The following FAF1 variants were observed in gnomAD, a reference collection of about 807,000 sequenced individuals.
FAF1 encodes the protein FAS-associated factor 1.
Under a neutral mutation model 92.5 loss-of-function variants are expected in FAF1, and 25 were observed. The observed-to-expected ratio is 0.27, with a 90% confidence interval of 0.20 to 0.38. The LOEUF is 0.38. Ranked by LOEUF, FAF1 falls within the 10% of genes least tolerant of loss-of-function variation. FAF1 has a pLI of 1.00. For synonymous variants in FAF1, 234 were observed against 273.2 expected (o/e 0.86, Z 1.42); for missense variants, 636 against 793.3 (o/e 0.80, Z 2.38).
chr1:50,639,741 C>T (rs2124239284), intron 8 of FAF1, among the ~76,000 whole-genome samples: 1 of 152,176 alleles, frequency 6.6e-6, no homozygotes, highest in Non-Finnish European at 1.5e-5. Flanking sequence ...CAAGACCAGC[C>T]TGACCAATAT....
intron 15 of FAF1, among the ~76,000 whole-genome samples, chr1:50,493,253 G>A (rs185447981): frequency 1.3e-5 from 2 of 151,984 alleles, no homozygotes; most frequent in Non-Finnish European, 2.9e-5. Flanking sequence ...GGCTGGTCTC[G>A]AACTCCTGAC....
intron 7 of FAF1, among the ~76,000 whole-genome samples, chr1:50,669,495 T>C (rs950162635): frequency 1.3e-5 from 2 of 152,144 alleles, no homozygotes; most frequent in African/African-American, 2.4e-5. Context: ...GTAAAAATTG[T>C]CAGATGTTGA....
chr1:50,464,574 C>T (rs1212006023), intron 18 of FAF1, among the ~76,000 whole-genome samples: 1 of 152,142 alleles, frequency 6.6e-6, no homozygotes, highest in Non-Finnish European at 1.5e-5. Context: ...AAGTCACTGT[C>T]ATATTAAGAA....
intron 8 of FAF1, among the ~76,000 whole-genome samples, chr1:50,606,074 A>C (rs1652370279): frequency 6.6e-6 from 1 of 152,184 alleles, no homozygotes; most frequent in Non-Finnish European, 1.5e-5. Flanking sequence ...AGCATAGTGG[A>C]CTAGATTTTC....
intron 1 of FAF1, among the ~76,000 whole-genome samples, chr1:50,873,035 A>C (rs1644541387): frequency 6.6e-6 from 1 of 152,232 alleles, no homozygotes; most frequent in South Asian, 2.1e-4. Flanking sequence ...AACTTTCAGC[A>C]ACCACTATCC....
At chr1:50,907,609 A>T (rs1644850398) in intron 1 of FAF1, among the ~76,000 whole-genome samples, 1 of 152,044 alleles carries the variant, frequency 6.6e-6, no homozygotes, top group Non-Finnish European at 1.5e-5. Flanking sequence ...TAGTCTTGGG[A>T]GGGTGCATGT....
At chr1:50,628,621 T>C (rs1167860251) in intron 8 of FAF1, among the ~76,000 whole-genome samples, 1 of 152,174 alleles carries the variant, frequency 6.6e-6, no homozygotes, top group East Asian at 1.9e-4. Context: ...AGCTTAAAAG[T>C]GATTAAACTT....
intron 8 of FAF1, among the ~76,000 whole-genome samples, chr1:50,629,385 T>C (rs1320188916): frequency 1.3e-5 from 2 of 152,098 alleles, no homozygotes; most frequent in South Asian, 2.1e-4. Flanking sequence ...GTCAGGCTGG[T>C]CTCGAACTCC....
chr1:50,840,772 G>T (rs1478452634), intron 2 of FAF1, among the ~76,000 whole-genome samples: 1 of 151,806 alleles, frequency 6.6e-6, no homozygotes, highest in African/African-American at 2.4e-5. Context: ...TTTATCCCAA[G>T]AAAATTGTCA....
At chr1:50,687,009 A>G (rs573185173) in intron 7 of FAF1, among the ~76,000 whole-genome samples, 37 of 152,108 alleles carry the variant, frequency 2.4e-4, no homozygotes, top group Non-Finnish European at 5.0e-4. Flanking sequence ...TTGCATTTTT[A>G]GCAGAGACAG....
intron 2 of FAF1, chr1:50,846,482 A>G: frequency 2.1e-6 from 1 of 483,440 alleles, no homozygotes. Flanking sequence ...CCCCGCTATA[A>G]GCTGGCTTTA....
intron 2 of FAF1, among the ~76,000 whole-genome samples, chr1:50,856,493 T>C (rs1644391315): frequency 6.6e-6 from 1 of 151,820 alleles, no homozygotes; most frequent in African/African-American, 2.4e-5. Context: ...AGTCAAGCTA[T>C]ACAAATATTT....
chr1:50,872,776 T>C (rs527987335), intron 1 of FAF1, among the ~76,000 whole-genome samples: 19 of 152,118 alleles, frequency 1.2e-4, no homozygotes, highest in African/African-American at 3.6e-4. Context: ...GGTGGGTGCC[T>C]GTAATCCCAG....
chr1:50,512,400 T>C (rs1440370572), intron 15 of FAF1, among the ~76,000 whole-genome samples: 2 of 152,238 alleles, frequency 1.3e-5, no homozygotes, highest in East Asian at 3.8e-4. Flanking sequence ...TTAATCCACC[T>C]TGAGTTAATT....
At chr1:50,647,608 AAC>A (rs1244885858) in intron 8 of FAF1, among the ~76,000 whole-genome samples, 1 of 152,202 alleles carries the variant, frequency 6.6e-6, no homozygotes, top group Non-Finnish European at 1.5e-5. Context: ...CAATAAATAA[AAC>A]ACAGTAATAG....
At chr1:50,935,574 A>G (rs1225368299) in intron 1 of FAF1, among the ~76,000 whole-genome samples, 2 of 151,462 alleles carry the variant, frequency 1.3e-5, no homozygotes, top group Non-Finnish European at 2.9e-5. Flanking sequence ...AGGTTCAAGC[A>G]ATTCTCATGC....
chr1:50,819,282 T>C (rs947122044), intron 2 of FAF1, among the ~76,000 whole-genome samples: 1 of 151,948 alleles, frequency 6.6e-6, no homozygotes, highest in South Asian at 2.1e-4. Flanking sequence ...TATATATGTG[T>C]GCCAAAATTC....
At chr1:50,514,364 C>T (rs1647179624) in intron 15 of FAF1, among the ~76,000 whole-genome samples, 1 of 152,148 alleles carries the variant, frequency 6.6e-6, no homozygotes, top group Non-Finnish European at 1.5e-5. Flanking sequence ...TTCATATCTG[C>T]TAAATGGATT....
intron 8 of FAF1, among the ~76,000 whole-genome samples, chr1:50,641,940 T>TA (rs1375303955): frequency 6.6e-6 from 1 of 151,800 alleles, no homozygotes; most frequent in Admixed American, 6.6e-5. Flanking sequence ...CGGGGGCTCA[T>TA]GCTTGTAATC....
Sources: allele counts gnomAD v4.1 joint callset (sites outside exome capture counted in the v4.1 genomes callset), GRCh38; gene constraint gnomAD v4.1.1; transcripts MANE v1.5; gene names NCBI Gene and HGNC (gene_info 2026-07-23, HGNC 2026-07-21).